RIMS1: variants seen among roughly 807,000 people sequenced by gnomAD.
RIMS1 encodes regulating synaptic membrane exocytosis 1.
Under a neutral mutation model 214.1 loss-of-function variants are expected in RIMS1, and 83 were observed. The ratio of observed to expected loss-of-function variants is 0.39; its 90% CI spans 0.32 to 0.47. RIMS1 has a LOEUF of 0.47. Among genes scored for constraint, RIMS1 ranks in the 20% least tolerant of loss-of-function variants. The probability of loss-of-function intolerance (pLI) is 0.99; values close to 1 mark genes in which losing one functional copy is unlikely to be tolerated. For synonymous variants in RIMS1, 793 were observed against 786.8 expected (o/e 1.01, Z -0.13); for missense variants, 2,050 against 2,161.8 (o/e 0.95, Z 1.03).
At chr6:72,378,000 A>G (rs541161708) in intron 29 of RIMS1, among the ~76,000 whole-genome samples, 17 of 152,316 alleles carry the variant, frequency 1.1e-4, no homozygotes, top group African/African-American at 3.8e-4. Flanking sequence ...GTGAATTGGG[A>G]AAATCATAAG....
At chr6:72,139,200 T>C (rs1006605263) in intron 4 of RIMS1, among the ~76,000 whole-genome samples, 1 of 152,178 alleles carries the variant, frequency 6.6e-6, no homozygotes, top group African/African-American at 2.4e-5. Context: ...AAAGTCCTAT[T>C]AGAGCTGTAG....
At chr6:72,345,399 G>A (rs886324401) in intron 29 of RIMS1, among the ~76,000 whole-genome samples, 1 of 151,514 alleles carries the variant, frequency 6.6e-6, no homozygotes, top group Admixed American at 6.6e-5. Context: ...ATTATTACAT[G>A]CCAACCAGTG....
At chr6:72,188,220 T>G (rs914603327) in intron 6 of RIMS1, among the ~76,000 whole-genome samples, 4 of 152,218 alleles carry the variant, frequency 2.6e-5, no homozygotes, top group Admixed American at 6.5e-5. Context: ...CTTTGCATCC[T>G]TCAATCCTGT....
intron 22 of RIMS1, among the ~76,000 whole-genome samples, chr6:72,266,730 C>T (rs2080750285): frequency 6.6e-6 from 1 of 152,006 alleles, no homozygotes; most frequent in South Asian, 2.1e-4. Context: ...TAGCTGTAAG[C>T]ATCTAATTTT....
At chr6:72,364,673 T>C (rs1300013717) in intron 29 of RIMS1, among the ~76,000 whole-genome samples, 2 of 152,156 alleles carry the variant, frequency 1.3e-5, no homozygotes, top group South Asian at 2.1e-4. Flanking sequence ...TATTTGAGAG[T>C]TGATCCCCGG....
chr6:72,166,880 C>T (rs544182258), intron 4 of RIMS1, among the ~76,000 whole-genome samples: 49 of 152,220 alleles, frequency 3.2e-4, no homozygotes, highest in Non-Finnish European at 5.7e-4. Context: ...ATAACTTCTG[C>T]AAACATGGAT....
intron 1 of RIMS1, among the ~76,000 whole-genome samples, chr6:71,907,298 A>G (rs916939078): frequency 4.6e-5 from 7 of 152,308 alleles, no homozygotes; most frequent in East Asian, 3.9e-4. Context: ...TCTGTCTTCA[A>G]TGGAAAAAAA....
chr6:72,375,658 A>G (rs886652068), intron 29 of RIMS1, among the ~76,000 whole-genome samples: 12 of 152,160 alleles, frequency 7.9e-5, no homozygotes, highest in African/African-American at 1.2e-4. Flanking sequence ...TGCTTTTTCT[A>G]TGATGACAGA....
At chr6:72,191,438 T>G (rs1273110900) in intron 6 of RIMS1, among the ~76,000 whole-genome samples, 3 of 152,210 alleles carry the variant, frequency 2.0e-5, no homozygotes, top group African/African-American at 7.2e-5. Context: ...CATCAGTAAG[T>G]CCAGTGTGTT....
chr6:72,157,103 C>T (rs2044539564), intron 4 of RIMS1, among the ~76,000 whole-genome samples: 1 of 140,622 alleles, frequency 7.1e-6, no homozygotes, highest in African/African-American at 2.5e-5. Flanking sequence ...AAGTTTTTCT[C>T]TTTCAAGATT....
intron 4 of RIMS1, among the ~76,000 whole-genome samples, chr6:72,124,910 C>G (rs150335332): frequency 6.6e-6 from 1 of 152,118 alleles, no homozygotes; most frequent in Non-Finnish European, 1.5e-5. Flanking sequence ...AGCTTCCTTG[C>G]GATGGGTTCA....
At chr6:72,040,929 C>G (rs964318514) in intron 2 of RIMS1, among the ~76,000 whole-genome samples, 1 of 151,782 alleles carries the variant, frequency 6.6e-6, no homozygotes, top group Non-Finnish European at 1.5e-5. Flanking sequence ...AACCCTACAA[C>G]CCCCCAAAAG....
At chr6:72,341,495 A>G (rs1307187329) in intron 29 of RIMS1, among the ~76,000 whole-genome samples, 1 of 151,850 alleles carries the variant, frequency 6.6e-6, no homozygotes, top group Admixed American at 6.6e-5. Context: ...TGAAGAAGAC[A>G]TCTATAAATG....
In RIMS1 at chr6:72,218,436, A is replaced by G. The variant is rs563262199; in HGVS notation, c.1679-15337A>G. Among the ~76,000 whole-genome samples the G allele has an allele frequency of 7.2e-5, 11 of 152,342 alleles. No homozygotes were observed. The South Asian group carries it at 1.9e-3, about 26-fold the overall frequency. ...TCTACTTTGTGCTGAAGGCAAGCTCAAAATCCAAAGGGTCAGAGGCAAATG... is the reference window on the plus strand; with the variant it reads ...TCTACTTTGTGCTGAAGGCAAGCTCGAAATCCAAAGGGTCAGAGGCAAATG... On this transcript the variant is annotated intron_variant, in intron 6 of 33. Transcript: ENST00000521978.
chr6:72,191,413 G>A (rs952670863), intron 6 of RIMS1, among the ~76,000 whole-genome samples: 7 of 152,136 alleles, frequency 4.6e-5, no homozygotes, highest in African/African-American at 1.7e-4. Context: ...CCTATCCTCT[G>A]GCATACAAAT....
At chr6:71,958,800 C>T (rs1467330688) in intron 1 of RIMS1, among the ~76,000 whole-genome samples, 1 of 152,054 alleles carries the variant, frequency 6.6e-6, no homozygotes, top group African/African-American at 2.4e-5. Flanking sequence ...GCATGTTCAC[C>T]TTTGTCAGTG....
At chr6:71,969,670 G>A (rs1038327098) in intron 2 of RIMS1, among the ~76,000 whole-genome samples, 23 of 152,160 alleles carry the variant, frequency 1.5e-4, no homozygotes, top group Middle Eastern at 3.4e-3. Context: ...TTAGCTGGGC[G>A]TGGTAGTGGG....
chr6:72,276,921 G>T (rs1015019973), intron 23 of RIMS1, among the ~76,000 whole-genome samples: 3 of 152,168 alleles, frequency 2.0e-5, no homozygotes, highest in Non-Finnish European at 4.4e-5. Flanking sequence ...TATAGTGAAT[G>T]TTCATAAGAA....
intron 24 of RIMS1, among the ~76,000 whole-genome samples, chr6:72,288,258 ATAG>A (rs1222630140): frequency 7.9e-5 from 12 of 152,310 alleles, no homozygotes; most frequent in East Asian, 3.9e-4. Context: ...ATTAAATAAA[ATAG>A]TAGTAATAAC....
Sources: allele counts gnomAD v4.1 joint callset (sites outside exome capture counted in the v4.1 genomes callset), GRCh38; gene constraint gnomAD v4.1.1; transcripts MANE v1.5; gene names NCBI Gene and HGNC (gene_info 2026-07-23, HGNC 2026-07-21).